The following TRAK1 variants were observed in gnomAD, a reference collection of about 807,000 sequenced individuals.
TRAK1 encodes trafficking kinesin protein 1.
Under a neutral mutation model 92.1 loss-of-function variants are expected in TRAK1, and 33 were observed. That is an observed-to-expected ratio of 0.36 (90% CI 0.27 to 0.48). The LOEUF is 0.48. Among genes scored for constraint, TRAK1 ranks in the 20% least tolerant of loss-of-function variants. TRAK1 has a pLI of 0.99. For missense variants in TRAK1, 1,123 were observed against 1,257.9 expected (o/e 0.89, Z 1.62); for synonymous variants, 521 against 517.3 (o/e 1.01, Z -0.10).
intron 1 of TRAK1, among the ~76,000 whole-genome samples, chr3:42,066,367 G>A (rs1703677152): frequency 6.6e-6 from 1 of 152,190 alleles, no homozygotes; most frequent in African/African-American, 2.4e-5. Flanking sequence ...AAGCTCTGAA[G>A]TGTGTTAGAA....
intron 2 of TRAK1, among the ~76,000 whole-genome samples, chr3:42,159,722 T>G (rs893475062): frequency 6.6e-6 from 1 of 152,154 alleles, no homozygotes; most frequent in Non-Finnish European, 1.5e-5. Flanking sequence ...GGTCACTGCA[T>G]TTTTTTCCCT....
rs35807078 is a variant in TRAK1 at position 42,196,539 on chromosome 3, C to CTTT, written c.1113+1612_1113+1614dup. Among the ~76,000 whole-genome samples, 91 of 135,448 alleles carry CTTT rather than the reference C, an allele frequency of 6.7e-4. 1 individual carries two copies. Among genetic ancestry groups the CTTT allele is most frequent in the Middle Eastern group, 3.8e-3 (1 of 266 alleles). The allele number at this position is 135,448 out of a possible 152,430, so 88.9% of individuals were successfully genotyped here. A position where few individuals can be genotyped will look rare whatever the true frequency, so the allele number is the denominator to read the frequency against. On this transcript the variant is annotated intron_variant, in intron 10 of 15. Coordinates refer to ENST00000327628, the MANE Select transcript of TRAK1 (RefSeq NM_001042646.3). ...ATGGCACATTTCTTTTTCTCTTCTT[C>CTTT]TTTTTTTTTTTTTTTTGAGACGGAG...
chr3:42,200,912 A>T lies in TRAK1; in HGVS notation c.1285A>T (p.Asn429Tyr). 5 of 1,614,164 alleles carry T rather than the reference A, an allele frequency of 3.1e-6. No individual in the cohort carries two copies. The highest frequency in any genetic ancestry group is 4.2e-6 in the Non-Finnish European group (5 of 1,180,030). ...TPSPMNIPGS[N>Y]QSSAMNSLLS... ...TTCTCCCATGAACATCCCCGGCTCC[A>T]ACCAGTCCTCGGCCATGAACTCCCT... The change falls in exon 12 of 16, where the codon AAC becomes TAC. Residue 429 changes from asparagine (N) to tyrosine (Y), a missense_variant. Asn to Tyr is a moderately radical substitution (Grantham distance 143, BLOSUM62 -2). Transcript: ENST00000327628.
intron 14 of TRAK1, chr3:42,212,623 TTTAGA>T (rs1293694553): frequency 8.0e-6 from 7 of 879,678 alleles, no homozygotes; most frequent in African/African-American, 3.6e-5. Context: ...TTTAAAAAGT[TTTAGA>T]TTATAGTTTT....
chr3:42,203,951 T>C, intron 13 of TRAK1: 1 of 985,846 alleles, frequency 1.0e-6, no homozygotes, highest in South Asian at 4.7e-5. Flanking sequence ...TGCTATAAGG[T>C]AAGGTTGTGC....
rs567809194 is a variant in TRAK1, at chr3:42,016,300, G to A, written c.-519+2183G>A. On this transcript the variant is annotated intron_variant, in intron 1 of 16. Transcript: ENST00000487159. ...GCTCACTGCGGCCTCCACCTCACAG[G>A]TTCAAGTGATTCTTTGGCCTCAGCC... is the stretch of plus-strand genomic sequence containing the variant. 2.6e-5 allele frequency among the ~76,000 whole-genome samples: 4 copies of A among 152,184 alleles called. No homozygotes were observed. In the East Asian group the frequency reaches 7.7e-4, roughly 29 times the overall value.
chr3:42,125,640 G>A (rs1318941481), intron 2 of TRAK1, 26 bp downstream of exon 2: 1 of 1,611,308 alleles, frequency 6.2e-7, no homozygotes, highest in Non-Finnish European at 8.5e-7. Context: ...TGTGTGTTGT[G>A]ATGGCAGTAT....
At chr3:42,176,473 C>G (rs111743170) in intron 2 of TRAK1, among the ~76,000 whole-genome samples, 1 of 152,234 alleles carries the variant, frequency 6.6e-6, no homozygotes, top group African/African-American at 2.4e-5. Context: ...GGCTGTGCTA[C>G]TGGCCCCCAC....
chr3:42,167,369 T>G (rs1156233388), intron 2 of TRAK1, among the ~76,000 whole-genome samples: 1 of 152,214 alleles, frequency 6.6e-6, no homozygotes, highest in Non-Finnish European at 1.5e-5. Context: ...GAAGGGACAT[T>G]TGTAAGCATT....
At chr3:42,136,668 A>ATAAATAAC (rs1559817268) in intron 2 of TRAK1, among the ~76,000 whole-genome samples, 6 of 151,736 alleles carry the variant, frequency 4.0e-5, no homozygotes, top group South Asian at 2.1e-4. Flanking sequence ...AAATAAATAA[A>ATAAATAAC]TAACATTTCT....
At chr3:42,110,025 C>A (rs563175685) in intron 1 of TRAK1, among the ~76,000 whole-genome samples, 264 of 140,784 alleles carry the variant, frequency 1.9e-3, no homozygotes, top group African/African-American at 6.3e-3. Context: ...GGGTGCAGCA[C>A]ACCAACATGG....
At chr3:42,043,956 C>T (rs1702659826) in intron 1 of TRAK1, among the ~76,000 whole-genome samples, 1 of 152,220 alleles carries the variant, frequency 6.6e-6, no homozygotes, top group African/African-American at 2.4e-5. Context: ...TTTCTGTGGT[C>T]AAGTTTACTA....
chr3:42,027,214 C>G (rs551404911), intron 1 of TRAK1, among the ~76,000 whole-genome samples: 2 of 152,224 alleles, frequency 1.3e-5, no homozygotes, highest in South Asian at 4.1e-4. Context: ...CCACAACTGT[C>G]AGAAGTACAT....
chr3:42,081,509 C>A (rs1704438812), intron 1 of TRAK1, among the ~76,000 whole-genome samples: 1 of 152,174 alleles, frequency 6.6e-6, no homozygotes, highest in Admixed American at 6.5e-5. Flanking sequence ...CCGGTCCATG[C>A]TTTCAAGGAG....
intron 14 of TRAK1, chr3:42,210,323 A>ACAATGGGTGCAGCTCCC: frequency 6.7e-7 from 1 of 1,501,658 alleles, no homozygotes; most frequent in Non-Finnish European, 8.9e-7. Context: ...CCTATTTGTA[A>ACAATGGGTGCAGCTCCC]CAATGGGTGT....
At chr3:42,021,873 C>T (rs1014566332) in intron 1 of TRAK1, among the ~76,000 whole-genome samples, 1 of 152,156 alleles carries the variant, frequency 6.6e-6, no homozygotes, top group African/African-American at 2.4e-5. Flanking sequence ...CTGCGCCTGG[C>T]CCTCATACAG....
intron 13 of TRAK1, among the ~76,000 whole-genome samples, chr3:42,206,178 G>A (rs770389423): frequency 1.2e-4 from 19 of 152,206 alleles, no homozygotes; most frequent in Non-Finnish European, 4.4e-5. Context: ...GGCAGCCAGG[G>A]GATTGGTAGA....
chr3:42,157,489 A>AAAAAAAAAAAAAAAAG (rs1553739632), intron 2 of TRAK1, among the ~76,000 whole-genome samples: 1 of 144,724 alleles, frequency 6.9e-6, no homozygotes, highest in Non-Finnish European at 1.5e-5. Flanking sequence ...AAAAAAAAAA[A>AAAAAAAAAAAAAAAAG]GGTTAACATT....
intron 13 of TRAK1, among the ~76,000 whole-genome samples, chr3:42,205,998 A>G (rs112684347): frequency 6.6e-6 from 1 of 152,124 alleles, no homozygotes; most frequent in African/African-American, 2.4e-5. Flanking sequence ...GCAGGTCTTG[A>G]GTTGGTAATG....
Sources: allele counts gnomAD v4.1 joint callset (sites outside exome capture counted in the v4.1 genomes callset), GRCh38; gene constraint gnomAD v4.1.1; transcripts MANE v1.5; gene names NCBI Gene and HGNC (gene_info 2026-07-23, HGNC 2026-07-21).